MGA: variants seen among roughly 807,000 people sequenced by gnomAD.
The protein encoded by MGA is MAX dimerization protein MGA.
A neutral mutation model predicts 261.1 loss-of-function variants in MGA; 40 were observed. The ratio of observed to expected loss-of-function variants is 0.15; its 90% CI spans 0.12 to 0.20. The LOEUF is 0.20. Ranked by LOEUF, MGA falls within the 10% of genes least tolerant of loss-of-function variation. The probability of loss-of-function intolerance (pLI) is 1.00; values close to 1 mark genes in which losing one functional copy is unlikely to be tolerated. For missense variants in MGA, 3,397 were observed against 3,630.5 expected (o/e 0.94, Z 1.65); for synonymous variants, 1,302 against 1,290.6 (o/e 1.01, Z -0.19).
chr15:41,646,262 C>G (rs964017613), intron 1 of MGA, among the ~76,000 whole-genome samples: 1 of 152,026 alleles, frequency 6.6e-6, no homozygotes, highest in Non-Finnish European at 1.5e-5. Flanking sequence ...TCGTTGCATC[C>G]TCATTTGTAG....
At chr15:41,683,141 C>A (rs1446624833) in intron 2 of MGA, among the ~76,000 whole-genome samples, 3 of 152,278 alleles carry the variant, frequency 2.0e-5, no homozygotes, top group African/African-American at 7.2e-5. Context: ...CTTCTGCTTT[C>A]AGAACCTTTT....
rs1025306041 is a variant in MGA at position 41,767,981 on chromosome 15, T to G, written c.*701T>G. 2 of 152,494 alleles carry G rather than the reference T, an allele frequency of 1.3e-5. No homozygotes were observed. Among genetic ancestry groups the G allele is most frequent in the African/African-American group, 4.8e-5 (2 of 41,462 alleles). 9.4% of individuals were successfully genotyped at this position (152,494 alleles called of 1,614,324 possible). ...TAGTAGTTCTCCCTTATTATTTTTGTGGGCATTGAAAAGCTCATTTCACAG... is the reference window on the plus strand; with the variant it reads ...TAGTAGTTCTCCCTTATTATTTTTGGGGGCATTGAAAAGCTCATTTCACAG... On this transcript the variant is annotated 3_prime_UTR_variant, in exon 24 of 24. Coordinates refer to ENST00000219905, the MANE Select transcript of MGA (RefSeq NM_001164273.2).
chr15:41,749,432 G>T lies in MGA; in HGVS notation c.5825G>T (p.Gly1942Val). 2.5e-6 allele frequency: 4 copies of T among 1,614,000 alleles called. No homozygotes were observed. In the South Asian group the frequency reaches 3.3e-5, roughly 13 times the overall value. ...GCCAGTCTTATTCCTCTCCAGTCTG[G>T]TAGTTTTGCCTTGTTACAGCTCCCA... Residue 1942 changes from glycine to valine, a missense_variant, in exon 17 of 24, where the codon GGT (glycine) becomes GTT (valine). By Grantham distance (109) the Gly-to-Val change is moderately radical. Coordinates refer to ENST00000219905, the MANE Select transcript of MGA (RefSeq NM_001164273.2).
chr15:41,670,358 T>C (rs944109210), intron 2 of MGA, among the ~76,000 whole-genome samples: 2 of 151,800 alleles, frequency 1.3e-5, no homozygotes, highest in African/African-American at 4.8e-5. Context: ...CTAAGTGAAA[T>C]AGGCAAAACA....
chr15:41,749,441 C>T lies in MGA; in HGVS notation c.5834C>T (p.Ala1945Val), dbSNP rs1413854839. Residue 1945 changes from alanine (A) to valine (V), a missense_variant, in exon 17 of 24, where the codon GCC becomes GTC. Ala to Val is a moderately conservative substitution (Grantham distance 64, BLOSUM62 0). Transcript: ENST00000219905. ...ATTCCTCTCCAGTCTGGTAGTTTTG[C>T]CTTGTTACAGCTCCCAGGACAAAAG... is the stretch of plus-strand genomic sequence containing the variant. 6.2e-7 allele frequency: 1 copy of T among 1,614,002 alleles called. No homozygotes were observed. Among genetic ancestry groups the T allele is most frequent in the South Asian group, 1.1e-5 (1 of 91,072 alleles).
At chr15:41,688,908 C>G (rs2059113633) in intron 2 of MGA, among the ~76,000 whole-genome samples, 1 of 152,278 alleles carries the variant, frequency 6.6e-6, no homozygotes, top group South Asian at 2.1e-4. Context: ...ACATATATAG[C>G]TGCTTTCTTA....
chr15:41,672,568 C>T (rs2058118720), intron 2 of MGA, among the ~76,000 whole-genome samples: 2 of 152,240 alleles, frequency 1.3e-5, no homozygotes, highest in Non-Finnish European at 2.9e-5. Context: ...ATCTCTGTCA[C>T]TAAAGGGAGA....
rs763919635 is a variant in MGA at position 41,700,041 on chromosome 15, G to GTTTTTTT, written c.2188+899_2188+905dup. ...CTGTACCTATCAACCTGTCATCGAG[G>GTTTTTTT]TTTTTTTTTTTTTTTTTTTTTTTGA... On this transcript the variant is annotated intron_variant, in intron 5 of 23. Coordinates refer to ENST00000219905, the MANE Select transcript of MGA (RefSeq NM_001164273.2). Among the ~76,000 whole-genome samples the GTTTTTTT allele has an allele frequency of 3.0e-4, 30 of 101,566 alleles. 1 individual carries two copies. The highest frequency in any genetic ancestry group is 2.5e-3 in the East Asian group (6 of 2,428). The allele number at this position is 101,566 out of a possible 152,430, so 66.6% of individuals were successfully genotyped here. A position where few individuals can be genotyped will look rare whatever the true frequency, so the allele number is the denominator to read the frequency against.
chr15:41,639,476 CT>C (rs981841706), intron 1 of MGA, among the ~76,000 whole-genome samples: 33 of 151,216 alleles, frequency 2.2e-4, no homozygotes, highest in African/African-American at 7.5e-4. Flanking sequence ...TTGGATCCCC[CT>C]ATCTAATTAG....
In MGA at chr15:41,742,755, A is replaced by G; in HGVS notation, c.4795A>G (p.Thr1599Ala). 1 of 1,613,950 alleles carries G rather than the reference A, an allele frequency of 6.2e-7. No individual in the cohort carries two copies. Among genetic ancestry groups the G allele is most frequent in the Non-Finnish European group, 8.5e-7 (1 of 1,179,850 alleles). The change falls in exon 15 of 24, where the codon ACT becomes GCT. Residue 1599 changes from threonine (T) to alanine (A), a missense_variant. This residue lies in a region of MGA where 1,410 missense variants were observed against 1,386.4 expected (regional missense o/e 1.02). Transcript: ENST00000219905. ...CAGCCCTGTGACTGCTGCTGTCACT[A>G]CTACCACCCCTCAAGTGTTTTTAGA...
intron 9 of MGA, among the ~76,000 whole-genome samples, chr15:41,726,728 CAAAAAAA>C (rs71108124): frequency 0.29 from 37,703 of 129,922 alleles, 5,162 homozygotes; most frequent in Middle Eastern, 0.46. Context: ...GACTCTGTCT[CAAAAAAA>C]AAAAAAAAAA....
At chr15:41,720,757 C>T (rs1417702406) in intron 9 of MGA, among the ~76,000 whole-genome samples, 5 of 152,124 alleles carry the variant, frequency 3.3e-5, no homozygotes, top group East Asian at 1.9e-4. Flanking sequence ...CTCTTGAACC[C>T]GGGAAGCTGA....
At position 41,697,124 on chromosome 15, in the gene MGA, C is replaced by T. The variant is rs973843492; in HGVS notation, c.2013+101C>T. The T allele has an allele frequency of 7.6e-6, 8 of 1,058,982 alleles. No homozygotes were observed. The East Asian group carries it at 1.6e-4, about 21-fold the overall frequency. 65.6% of individuals were successfully genotyped at this position (1,058,982 alleles called of 1,614,324 possible). On this transcript the variant is annotated intron_variant, in intron 3 of 23. Coordinates refer to ENST00000219905, the MANE Select transcript of MGA (RefSeq NM_001164273.2). ...GATTTACAATCTAGTTTTGTGATATCTATTTGTGAGGGTGTATGGGGGGTG... is the reference window on the plus strand; with the variant it reads ...GATTTACAATCTAGTTTTGTGATATTTATTTGTGAGGGTGTATGGGGGGTG...
rs1291303486 is a variant in MGA at position 41,762,382 on chromosome 15, C to T, written c.7744+20C>T. 1.3e-5 allele frequency: 20 copies of T among 1,589,312 alleles called. No individual in the cohort carries two copies. The highest frequency in any genetic ancestry group is 1.6e-5 in the Non-Finnish European group (19 of 1,162,170). On this transcript the variant is annotated intron_variant, in intron 22 of 23. Transcript: ENST00000219905. ...CCACAGGTAGGAGGGACATTCTTCG[C>T]TTTCCTTAATGTAGATATACATCAG...
In MGA at chr15:41,698,929, A is replaced by T; in HGVS notation, c.2080A>T (p.Thr694Ser). The change falls in exon 4 of 24, where the codon ACA (threonine) becomes TCA (serine). Residue 694 changes from threonine (T) to serine (S), a missense_variant. This residue lies in a region of MGA where 563 missense variants were observed against 563.6 expected (regional missense o/e 1.00). Coordinates refer to ENST00000219905, the MANE Select transcript of MGA (RefSeq NM_001164273.2). ...ATCTTCTAGTCTCCAGGCATCAACC[A>T]CAAATGACTCAGGTATTATAAAATA... 6.4e-7 allele frequency: 1 copy of T among 1,550,784 alleles called. No homozygotes were observed. The highest frequency in any genetic ancestry group is 8.7e-7 in the Non-Finnish European group (1 of 1,146,502).
chr15:41,750,327 A>G lies in MGA; in HGVS notation c.6720A>G (p.Glu2240=). ...AAGATGCCAGAGTTTTGAAAACTGA[A>G]TGTGATTCTTGGAGTAGGATTTCTA... Residue 2240 remains glutamate (E), a synonymous_variant, in exon 17 of 24, where the codon GAA becomes GAG. Transcript: ENST00000219905. The G allele has an allele frequency of 6.2e-7, 1 of 1,614,036 alleles. No homozygotes were observed. Among genetic ancestry groups the G allele is most frequent in the Non-Finnish European group, 8.5e-7 (1 of 1,179,896 alleles).
intron 1 of MGA, among the ~76,000 whole-genome samples, chr15:41,647,929 C>T (rs1192312301): frequency 6.6e-6 from 1 of 152,140 alleles, no homozygotes; most frequent in African/African-American, 2.4e-5. Context: ...CCTCTTTCAG[C>T]CCCTCCATGG....
At chr15:41,717,446 A>G (rs2060701483) in intron 9 of MGA, among the ~76,000 whole-genome samples, 1 of 152,242 alleles carries the variant, frequency 6.6e-6, no homozygotes, top group Non-Finnish European at 1.5e-5. Flanking sequence ...TTAGGAATGA[A>G]AGGTGACTTC....
rs1245901901 is a variant in MGA, at chr15:41,694,995, T to C, written c.1065-1080T>C. Among the ~76,000 whole-genome samples the C allele has an allele frequency of 2.6e-5, 4 of 152,240 alleles. No individual in the cohort carries two copies. The East Asian group carries it at 7.7e-4, about 29-fold the overall frequency. The stretch of plus-strand genomic sequence containing the variant: ...TTTAAAAAAAAATGCCCACAATCCT[T>C]TGTTACATGTTATTTGTTAGTGAAT... On this transcript the variant is annotated intron_variant, in intron 2 of 23. Coordinates refer to ENST00000219905, the MANE Select transcript of MGA (RefSeq NM_001164273.2).
Sources: gnomAD v4.1 joint callset for allele counts (sites outside exome capture counted in the v4.1 genomes callset) on GRCh38, gnomAD v4.1.1 for gene constraint, gnomAD v4.1.1 regional missense constraint, MANE v1.5 for transcripts, NCBI Gene and HGNC (gene_info 2026-07-23, HGNC 2026-07-21) for gene names.